Variants in PCDHA12 observed in about 807,000 individuals in gnomAD.
PCDHA12 encodes protocadherin alpha-12.
A neutral mutation model predicts 60.0 loss-of-function variants in PCDHA12; 44 were observed. That is an observed-to-expected ratio of 0.73 (90% CI 0.58 to 0.94). The LOEUF is 0.94. Among genes scored for constraint, PCDHA12 ranks in the 40% least tolerant of loss-of-function variants. The pLI is 0.00. For synonymous variants in PCDHA12, 569 were observed against 553.0 expected (o/e 1.03, Z -0.40); for missense variants, 1,276 against 1,239.7 (o/e 1.03, Z -0.44).
chr5:140,894,113 G>C (rs1239376474), intron 1 of PCDHA12, among the ~76,000 whole-genome samples: 1 of 152,072 alleles, frequency 6.6e-6, no homozygotes, highest in Non-Finnish European at 1.5e-5. Context: ...TTGCAGATGA[G>C]AAGTTTCAAA....
chr5:140,979,175 AAT>A, intron 2 of PCDHA12, 168 bp downstream of exon 2: 3 of 951,630 alleles, frequency 3.2e-6, no homozygotes, highest in Non-Finnish European at 3.8e-6. Flanking sequence ...AAAGATCGCA[AAT>A]GGTCAGTGCC....
chr5:140,943,571 G>A (rs1164273913), intron 1 of PCDHA12, among the ~76,000 whole-genome samples: 4 of 152,152 alleles, frequency 2.6e-5, no homozygotes, highest in Admixed American at 2.6e-4. Context: ...ATTTTAATTT[G>A]TTGATCTGAG....
At chr5:140,995,025 C>A (rs1304675289) in intron 3 of PCDHA12, among the ~76,000 whole-genome samples, 1 of 152,146 alleles carries the variant, frequency 6.6e-6, no homozygotes, top group Non-Finnish European at 1.5e-5. Context: ...AAAGAAGATT[C>A]TTTTAAGTTT....
At chr5:140,927,694 G>A in intron 1 of PCDHA12, 1 of 1,614,202 alleles carries the variant, frequency 6.2e-7, no homozygotes, top group Non-Finnish European at 8.5e-7. Context: ...CAATGGGGAA[G>A]TCCAGTACTC....
chr5:140,988,201 A>C (rs2097286908), intron 3 of PCDHA12, among the ~76,000 whole-genome samples: 1 of 152,064 alleles, frequency 6.6e-6, no homozygotes, highest in Non-Finnish European at 1.5e-5. Context: ...GCATATCCTT[A>C]TTAGGAAAAA....
chr5:141,009,634 G>A lies in PCDHA12; in HGVS notation c.2523G>A (p.Glu841=). The change falls in exon 4 of 4, where the codon GAG becomes GAA. Residue 841 remains glutamate (E), a synonymous_variant. Transcript: ENST00000398631. Reference sequence around the variant, plus strand: ...TAATGTTTTGTCTTTCAGAACCAGAGGCAGGAGAAGTGTCCCCTCCAGTCG... The same window carrying A: ...TAATGTTTTGTCTTTCAGAACCAGAAGCAGGAGAAGTGTCCCCTCCAGTCG... The part of the protein sequence containing the change: ...PTVSSATPEP[E]AGEVSPPVGA... The A allele has an allele frequency of 6.2e-7, 1 of 1,613,116 alleles. No individual in the cohort carries two copies. The highest frequency in any genetic ancestry group is 8.5e-7 in the Non-Finnish European group (1 of 1,179,406).
At chr5:140,968,591 G>A (rs1289458266) in intron 1 of PCDHA12, 3 of 1,614,098 alleles carry the variant, frequency 1.9e-6, no homozygotes, top group Non-Finnish European at 2.5e-6. Flanking sequence ...CAAAGTCATA[G>A]CTATGGACTC....
At chr5:140,909,966 G>C (rs1583724116) in intron 1 of PCDHA12, among the ~76,000 whole-genome samples, 1 of 152,202 alleles carries the variant, frequency 6.6e-6, no homozygotes, top group African/African-American at 2.4e-5. Flanking sequence ...TCTCCATGGG[G>C]AAGGATGGGA....
chr5:140,966,541 G>A (rs2096018356), intron 1 of PCDHA12: 2 of 462,844 alleles, frequency 4.3e-6, no homozygotes, highest in Admixed American at 4.3e-5. Context: ...TGAGCGACTC[G>A]GAGGCGAGCG....
chr5:140,898,462 CTTGT>C (rs2066755516), intron 1 of PCDHA12, among the ~76,000 whole-genome samples: 1 of 150,202 alleles, frequency 6.7e-6, no homozygotes, highest in South Asian at 2.1e-4. Flanking sequence ...TTCCCCATTG[CTTGT>C]TTTTCTCAGG....
intron 1 of PCDHA12, among the ~76,000 whole-genome samples, chr5:140,951,286 T>G (rs537000082): frequency 7.9e-5 from 12 of 152,352 alleles, no homozygotes; most frequent in African/African-American, 2.6e-4. Context: ...TAATTTTGGA[T>G]TATATCTTGA....
intron 1 of PCDHA12, among the ~76,000 whole-genome samples, chr5:140,930,847 A>G (rs1411771257): frequency 6.6e-6 from 1 of 152,224 alleles, no homozygotes; most frequent in Non-Finnish European, 1.5e-5. Context: ...AAATATGTGC[A>G]TATATGAATT....
At chr5:140,926,804 C>T (rs1298226109) in intron 1 of PCDHA12, 4 of 1,455,652 alleles carry the variant, frequency 2.7e-6, no homozygotes, top group East Asian at 2.5e-5. Context: ...TGCTCTTCCC[C>T]GCGGCTCGTG....
chr5:140,969,222 C>T (rs782010447), intron 1 of PCDHA12: 1 of 1,614,154 alleles, frequency 6.2e-7, no homozygotes, highest in Non-Finnish European at 8.5e-7. Flanking sequence ...GGACCAGGGC[C>T]TTCGGGAGCC....
intron 1 of PCDHA12, chr5:140,882,003 G>C: frequency 2.0e-6 from 1 of 492,180 alleles, no homozygotes; most frequent in Non-Finnish European, 3.4e-6. Flanking sequence ...AATGCAAGGG[G>C]CAAAAAAATA....
chr5:140,880,801 GAA>G (rs1193515493), intron 1 of PCDHA12, among the ~76,000 whole-genome samples: 5 of 152,182 alleles, frequency 3.3e-5, no homozygotes, highest in African/African-American at 1.2e-4. Flanking sequence ...ATAAATAGGT[GAA>G]TGACTCTAGA....
At chr5:140,984,631 T>C (rs1400847452) in intron 3 of PCDHA12, among the ~76,000 whole-genome samples, 1 of 152,192 alleles carries the variant, frequency 6.6e-6, no homozygotes, top group Non-Finnish European at 1.5e-5. Flanking sequence ...TTAAAGGGAT[T>C]CTCTGCCTTC....
chr5:140,919,286 G>A (rs1225686980), intron 1 of PCDHA12, among the ~76,000 whole-genome samples: 9 of 152,096 alleles, frequency 5.9e-5, no homozygotes, highest in Admixed American at 5.9e-4. Flanking sequence ...GCTATCTTGT[G>A]GTTGCTGTTT....
chr5:140,895,447 G>T (rs1188860605), intron 1 of PCDHA12, among the ~76,000 whole-genome samples: 1 of 152,060 alleles, frequency 6.6e-6, no homozygotes, highest in South Asian at 2.1e-4. Flanking sequence ...CTTTTCATGT[G>T]CTTATTGGTC....
Sources: gnomAD v4.1 joint callset for allele counts (sites outside exome capture counted in the v4.1 genomes callset) on GRCh38, gnomAD v4.1.1 for gene constraint, MANE v1.5 for transcripts, NCBI Gene and HGNC (gene_info 2026-07-23, HGNC 2026-07-21) for gene names.